The following PDCD6 variants were observed in gnomAD, a reference collection of about 807,000 sequenced individuals.
The protein encoded by PDCD6 is programmed cell death 6.
Under a neutral mutation model 28.3 loss-of-function variants are expected in PDCD6, and 12 were observed. The ratio of observed to expected loss-of-function variants is 0.42; its 90% CI spans 0.27 to 0.69. PDCD6 has a LOEUF of 0.69. PDCD6 is among the 30% of genes least tolerant of loss of function. The pLI, the probability that PDCD6 is intolerant of heterozygous loss-of-function variation, is 0.22. For synonymous variants in PDCD6, 92 were observed against 108.0 expected (o/e 0.85, Z 0.92); for missense variants, 226 against 269.9 (o/e 0.84, Z 1.14).
chr5:272,886 A>C, intron 2 of PDCD6, 114 bp downstream of exon 2: 1 of 1,445,686 alleles, frequency 6.9e-7, no homozygotes, highest in East Asian at 2.3e-5. Context: ...TCATTAGGAC[A>C]AATTGTTATT....
intron 2 of PDCD6, among the ~76,000 whole-genome samples, chr5:285,506 C>T (rs1738893323): frequency 6.6e-6 from 1 of 151,108 alleles, no homozygotes; most frequent in Admixed American, 6.6e-5. Context: ...GGCCGTGCAG[C>T]TGGAGACCTG....
rs201245613 is a variant in PDCD6 at position 271,692 on chromosome 5, C to T, written c.-29C>T. On this transcript the variant is annotated 5_prime_UTR_variant, in exon 1 of 6. Transcript: ENST00000264933. The stretch of plus-strand genomic sequence containing the variant: ...CTGAGAGGTCTCTCGTCGCTGCAGG[C>T]GCCTCAGCCCAGCCGCGTGCCTTGG... 1,000 of 1,352,592 alleles carry T rather than the reference C, an allele frequency of 7.4e-4. 2 individuals are homozygous for T. Among genetic ancestry groups the T allele is most frequent in the South Asian group, 2.2e-3 (178 of 81,104 alleles). The allele number at this position is 1,352,592 out of a possible 1,614,324, so 83.8% of individuals were successfully genotyped here.
intron 2 of PDCD6, among the ~76,000 whole-genome samples, chr5:302,997 C>A (rs750257077): frequency 1.3e-5 from 2 of 152,272 alleles, no homozygotes; most frequent in African/African-American, 4.8e-5. Context: ...GGTGCTCAGG[C>A]GGAGCAAATG....
intron 4 of PDCD6, chr5:310,308 A>AC (rs1488908772): frequency 6.4e-6 from 1 of 156,198 alleles, no homozygotes; most frequent in Non-Finnish European, 1.4e-5. Flanking sequence ...GAATGCCCTG[A>AC]CCACTCTGGA....
chr5:271,863 G>T (rs1737825294), intron 1 of PDCD6, 42 bp downstream of exon 1: 1 of 1,180,464 alleles, frequency 8.5e-7, no homozygotes, highest in Non-Finnish European at 1.1e-6. Flanking sequence ...CCTCCGCCGC[G>T]GCGGCCCCGA....
chr5:304,035 C>T lies in PDCD6; in HGVS notation c.164-142C>T, dbSNP rs1740306197. 2.6e-5 allele frequency: 29 copies of T among 1,126,930 alleles called. 2 individuals carry two copies. In the South Asian group the frequency reaches 3.1e-4, roughly 12 times the overall value. The allele number at this position is 1,126,930 out of a possible 1,614,324, so 69.8% of individuals were successfully genotyped here. A position where few individuals can be genotyped will look rare whatever the true frequency, so the allele number is the denominator to read the frequency against. Reference sequence around the variant, plus strand: ...GCCCCCTCCCAGGAGTCATGGCAGCCGACACGTCACCTGGAGTGTCTAGAA... The same window carrying T: ...GCCCCCTCCCAGGAGTCATGGCAGCTGACACGTCACCTGGAGTGTCTAGAA... On this transcript the variant is annotated intron_variant, in intron 2 of 5. Transcript: ENST00000264933.
intron 4 of PDCD6, chr5:309,173 G>C (rs922784242): frequency 6.6e-6 from 1 of 152,306 alleles, no homozygotes; most frequent in African/African-American, 2.4e-5. Context: ...GGTGATTTCT[G>C]AGGAGGTCAT....
intron 2 of PDCD6, among the ~76,000 whole-genome samples, chr5:303,272 C>T (rs901594568): frequency 6.7e-6 from 1 of 148,548 alleles, no homozygotes; most frequent in Non-Finnish European, 1.5e-5. Flanking sequence ...CTGTGTACTG[C>T]CCAGGACTGT....
At chr5:308,409 T>G (rs2126773577) in intron 4 of PDCD6, 1 of 152,062 alleles carries the variant, frequency 6.6e-6, no homozygotes, top group East Asian at 1.9e-4. Context: ...CGCCCTGGAG[T>G]GGGCAGGCCT....
At chr5:292,715 C>A (rs1739386373) in intron 2 of PDCD6, among the ~76,000 whole-genome samples, 1 of 152,184 alleles carries the variant, frequency 6.6e-6, no homozygotes, top group Admixed American at 6.5e-5. Flanking sequence ...GAGAACAGAG[C>A]CGAGAGGAGG....
At chr5:283,900 G>T (rs989484818) in intron 2 of PDCD6, among the ~76,000 whole-genome samples, 3 of 150,640 alleles carry the variant, frequency 2.0e-5, no homozygotes, top group Non-Finnish European at 4.4e-5. Context: ...TGATGTTCTA[G>T]TTTGAGGGTC....
intron 2 of PDCD6, among the ~76,000 whole-genome samples, chr5:294,227 A>T (rs1739460775): frequency 6.7e-6 from 1 of 150,070 alleles, no homozygotes; most frequent in Non-Finnish European, 1.5e-5. Flanking sequence ...TTATAATGCT[A>T]TAAAGCAATA....
chr5:297,005 C>T (rs1434710126), intron 2 of PDCD6, among the ~76,000 whole-genome samples: 1 of 152,218 alleles, frequency 6.6e-6, no homozygotes, highest in Non-Finnish European at 1.5e-5. Context: ...GGGCATCTCA[C>T]CTGCATCCGC....
rs112746012 is a variant in PDCD6 at position 275,091 on chromosome 5, C to T, written c.163+2319C>T. Among the ~76,000 whole-genome samples, 961 of 151,996 alleles carry T rather than the reference C, an allele frequency of 6.3e-3. 9 individuals are homozygous for T. The highest frequency in any genetic ancestry group is 0.019 in the African/African-American group (800 of 41,490). Reference sequence around the variant, plus strand: ...GCCTTTCATCTCTGTGGGATGAAGCCCCACCGCCCTTCAGGATGCAAAGCC... The same window carrying T: ...GCCTTTCATCTCTGTGGGATGAAGCTCCACCGCCCTTCAGGATGCAAAGCC... On this transcript the variant is annotated intron_variant, in intron 2 of 5. Transcript: ENST00000264933.
chr5:279,986 G>T (rs1428725873), intron 2 of PDCD6, among the ~76,000 whole-genome samples: 2 of 104,408 alleles, frequency 1.9e-5, no homozygotes, highest in African/African-American at 7.7e-5. Context: ...CCAAGGTTAA[G>T]TCCAAGGGAG....
chr5:273,925 T>C, intron 2 of PDCD6, among the ~76,000 whole-genome samples: 1 of 121,330 alleles, frequency 8.2e-6, no homozygotes, highest in African/African-American at 3.4e-5. Context: ...TTCATTATTC[T>C]TAAATCCTCG....
intron 2 of PDCD6, 95 bp from the exon 3 acceptor site, chr5:304,081 CA>C (rs1740310435): frequency 6.7e-7 from 1 of 1,493,390 alleles, no homozygotes; most frequent in Admixed American, 1.8e-5. Context: ...TTAGAGCCCC[CA>C]CTGCTTTTCC....
chr5:273,693 G>T (rs372725984), intron 2 of PDCD6, among the ~76,000 whole-genome samples: 947 of 93,432 alleles, frequency 0.01, 12 homozygotes, highest in African/African-American at 0.09. Context: ...CGCTGTGGGT[G>T]GGGGGGTGCT....
intron 2 of PDCD6, among the ~76,000 whole-genome samples, chr5:303,903 TA>T (rs1351147735): frequency 6.6e-6 from 1 of 151,376 alleles, no homozygotes; most frequent in African/African-American, 2.5e-5. Context: ...ATCTGTTAAA[TA>T]AGAGTGCATG....
Sources: gnomAD v4.1 joint callset for allele counts (sites outside exome capture counted in the v4.1 genomes callset) on GRCh38, gnomAD v4.1.1 for gene constraint, MANE v1.5 for transcripts, NCBI Gene and HGNC (gene_info 2026-07-23, HGNC 2026-07-21) for gene names.